Variants in TMEM178B observed in about 807,000 individuals in gnomAD.
TMEM178B encodes transmembrane protein 178B.
A neutral mutation model predicts 31.0 loss-of-function variants in TMEM178B; 5 were observed. The ratio of observed to expected loss-of-function variants is 0.16; its 90% CI spans 0.08 to 0.34. The LOEUF is 0.34. Among genes scored for constraint, TMEM178B ranks in the 10% least tolerant of loss-of-function variants. The pLI, the probability that TMEM178B is intolerant of heterozygous loss-of-function variation, is 1.00. For missense variants in TMEM178B, 275 were observed against 400.3 expected, an observed-to-expected ratio of 0.69 and a Z score of 2.67; for synonymous variants, 164 against 164.0, an observed-to-expected ratio of 1.00 and a Z score of 0.00.
At chr7:141,152,546 C>G (rs1286000978) in intron 1 of TMEM178B, among the ~76,000 whole-genome samples, 1 of 152,218 alleles carries the variant, frequency 6.6e-6, no homozygotes, top group Non-Finnish European at 1.5e-5. Context: ...AGAGACCAAG[C>G]TTTGTCCTGA....
chr7:141,396,347 A>G (rs1800637614), intron 2 of TMEM178B, among the ~76,000 whole-genome samples: 1 of 152,166 alleles, frequency 6.6e-6, no homozygotes, highest in African/African-American at 2.4e-5. Flanking sequence ...CCACTTTCCC[A>G]TCGCCCATGC....
In TMEM178B at chr7:141,216,448, T is replaced by TGTGTGTGC. The variant is rs1415593747; in HGVS notation, c.496+3745_496+3746insTGTGTGCG. Among the ~76,000 whole-genome samples, 89 of 135,920 alleles carry TGTGTGTGC rather than the reference T, an allele frequency of 6.5e-4. 3 individuals are homozygous for TGTGTGTGC. Among genetic ancestry groups the TGTGTGTGC allele is most frequent in the African/African-American group, 2.5e-3 (85 of 34,356 alleles). The allele number at this position is 135,920 out of a possible 152,430, so 89.2% of individuals were successfully genotyped here. A position where few individuals can be genotyped will look rare whatever the true frequency, so the allele number is the denominator to read the frequency against. ...CTGTGTGTGTGTGTGTGTGTGTGTG[T>TGTGTGTGC]GCGCGCGCGCGCGCGTGTGTGTGTG... On this transcript the variant is annotated intron_variant, in intron 2 of 3. Transcript: ENST00000565468.
At chr7:141,420,756 G>T (rs565609154) in intron 2 of TMEM178B, among the ~76,000 whole-genome samples, 1 of 152,246 alleles carries the variant, frequency 6.6e-6, no homozygotes, top group East Asian at 1.9e-4. Context: ...TTGATTTATG[G>T]TTCCTCAGCC....
chr7:141,338,504 C>T (rs190378720), intron 2 of TMEM178B, among the ~76,000 whole-genome samples: 13 of 152,272 alleles, frequency 8.5e-5, no homozygotes, highest in South Asian at 4.2e-4. Flanking sequence ...TGCCTGCCCT[C>T]TATTTGATAT....
chr7:141,450,575 T>G (rs1801844932), intron 3 of TMEM178B, among the ~76,000 whole-genome samples: 1 of 152,090 alleles, frequency 6.6e-6, no homozygotes, highest in South Asian at 2.1e-4. Flanking sequence ...AGGAAGTTTG[T>G]GGTCACCCAA....
At chr7:141,124,986 A>G (rs1247527350) in intron 1 of TMEM178B, among the ~76,000 whole-genome samples, 3 of 152,324 alleles carry the variant, frequency 2.0e-5, no homozygotes, top group Admixed American at 2.0e-4. Flanking sequence ...CCTTTATTCT[A>G]TCCTTTTTGT....
At chr7:141,346,719 A>C (rs1563158147) in intron 2 of TMEM178B, among the ~76,000 whole-genome samples, 2 of 152,230 alleles carry the variant, frequency 1.3e-5, no homozygotes, top group Non-Finnish European at 2.9e-5. Flanking sequence ...AGAAAGAGCC[A>C]CATGGATATG....
intron 1 of TMEM178B, among the ~76,000 whole-genome samples, chr7:141,170,858 C>T (rs916578750): frequency 3.9e-5 from 6 of 152,196 alleles, no homozygotes; most frequent in Non-Finnish European, 4.4e-5. Flanking sequence ...CGCACTATCA[C>T]AAGTCCTGTG....
chr7:141,481,609 A>G (rs936375145), downstream of TMEM178B, among the ~76,000 whole-genome samples: 4 of 152,168 alleles, frequency 2.6e-5, no homozygotes, highest in African/African-American at 9.7e-5. Context: ...CAGCTGTGGA[A>G]CTTCTTTAAA....
intron 1 of TMEM178B, among the ~76,000 whole-genome samples, chr7:141,115,896 A>G (rs1795309990): frequency 6.6e-6 from 1 of 152,236 alleles, no homozygotes; most frequent in Non-Finnish European, 1.5e-5. Flanking sequence ...AACTCCTAGT[A>G]CTTAAAGCTC....
At chr7:141,184,329 TCCTC>T (rs1387254942) in intron 1 of TMEM178B, among the ~76,000 whole-genome samples, 1 of 152,164 alleles carries the variant, frequency 6.6e-6, no homozygotes, top group East Asian at 1.9e-4. Flanking sequence ...TTTCAGTCCT[TCCTC>T]CCCCACTGTT....
chr7:141,455,080 G>C (rs1296958443), intron 3 of TMEM178B, among the ~76,000 whole-genome samples: 1 of 152,140 alleles, frequency 6.6e-6, no homozygotes, highest in Non-Finnish European at 1.5e-5. Flanking sequence ...CACTGGTTTA[G>C]TCCCTGACCT....
chr7:141,281,785 C>T (rs755506508), intron 2 of TMEM178B, among the ~76,000 whole-genome samples: 56 of 151,984 alleles, frequency 3.7e-4, no homozygotes, highest in Non-Finnish European at 3.5e-4. Context: ...GGGAGGGACA[C>T]GACATTGTGG....
intron 3 of TMEM178B, among the ~76,000 whole-genome samples, chr7:141,438,291 A>C (rs1013971196): frequency 6.6e-6 from 1 of 152,116 alleles, no homozygotes; most frequent in African/African-American, 2.4e-5. Flanking sequence ...CGTCATGTGC[A>C]TAGGACCACT....
chr7:141,194,044 A>G (rs1796740510), intron 1 of TMEM178B, among the ~76,000 whole-genome samples: 1 of 152,080 alleles, frequency 6.6e-6, no homozygotes, highest in Admixed American at 6.5e-5. Context: ...GAAAGACCAG[A>G]CCCCATGATT....
chr7:141,315,824 T>A (rs527253012), intron 2 of TMEM178B, among the ~76,000 whole-genome samples: 19 of 152,344 alleles, frequency 1.2e-4, no homozygotes, highest in African/African-American at 4.3e-4. Context: ...CTACCTTATT[T>A]TAATCAAGAA....
At chr7:141,156,433 A>T (rs1796070636) in intron 1 of TMEM178B, among the ~76,000 whole-genome samples, 1 of 152,208 alleles carries the variant, frequency 6.6e-6, no homozygotes, top group Admixed American at 6.5e-5. Flanking sequence ...TTGGGAAAAA[A>T]GCGGTTATTT....
At chr7:141,428,541 A>G (rs1196601680) in intron 2 of TMEM178B, among the ~76,000 whole-genome samples, 1 of 152,168 alleles carries the variant, frequency 6.6e-6, no homozygotes, top group Non-Finnish European at 1.5e-5. Context: ...TGAAAATGCT[A>G]GACCAGGTAA....
chr7:141,451,469 G>A (rs1356611314), intron 3 of TMEM178B, among the ~76,000 whole-genome samples: 1 of 152,146 alleles, frequency 6.6e-6, no homozygotes. Flanking sequence ...CATTCCCAAA[G>A]CTGGAATTCA....
Sources: allele counts gnomAD v4.1 joint callset (sites outside exome capture counted in the v4.1 genomes callset), GRCh38; gene constraint gnomAD v4.1.1; transcripts MANE v1.5; gene names NCBI Gene and HGNC (gene_info 2026-07-23, HGNC 2026-07-21).